The following GPC5 variants were observed in gnomAD, a reference collection of about 807,000 sequenced individuals.
GPC5 encodes the protein glypican-5.
A neutral mutation model predicts 53.9 loss-of-function variants in GPC5; 47 were observed. The observed-to-expected ratio is 0.87, with a 90% CI of 0.69 to 1.11. The LOEUF (loss-of-function observed/expected upper bound fraction) is 1.11, where lower values mean the gene tolerates loss of function less well. GPC5 is among the 50% of genes most tolerant of loss of function. The pLI is 0.00. For synonymous variants in GPC5, 286 were observed against 263.3 expected, an observed-to-expected ratio of 1.09 and a Z score of -0.84; for missense variants, 748 against 713.1, an observed-to-expected ratio of 1.05 and a Z score of -0.56.
intron 7 of GPC5, among the ~76,000 whole-genome samples, chr13:92,212,237 C>T (rs1048981130): frequency 6.6e-6 from 1 of 152,112 alleles, no homozygotes; most frequent in African/African-American, 2.4e-5. Context: ...AGCCTCACCT[C>T]TAGCTATGCA....
intron 7 of GPC5, among the ~76,000 whole-genome samples, chr13:92,254,577 C>A (rs1184171242): frequency 6.6e-6 from 1 of 152,056 alleles, no homozygotes; most frequent in Non-Finnish European, 1.5e-5. Flanking sequence ...GTGTATTAGT[C>A]CATCTTCATG....
intron 7 of GPC5, among the ~76,000 whole-genome samples, chr13:92,694,437 A>C (rs2139238853): frequency 6.6e-6 from 1 of 152,294 alleles, no homozygotes; most frequent in South Asian, 2.1e-4. Context: ...GAGCTGCCCA[A>C]GGGCTTGGGA....
intron 7 of GPC5, among the ~76,000 whole-genome samples, chr13:92,301,168 G>A (rs150895883): frequency 0.015 from 2,332 of 152,242 alleles, 30 homozygotes; most frequent in Non-Finnish European, 0.021. Context: ...TAAAAATATA[G>A]GTTCTTTTAT....
At chr13:92,785,092 A>G (rs538910457) in intron 7 of GPC5, among the ~76,000 whole-genome samples, 3 of 152,230 alleles carry the variant, frequency 2.0e-5, no homozygotes, top group African/African-American at 7.2e-5. Context: ...CCTGGCCAAC[A>G]TGATGAAACC....
chr13:92,823,350 C>A (rs1877738418), intron 7 of GPC5, among the ~76,000 whole-genome samples: 1 of 151,932 alleles, frequency 6.6e-6, no homozygotes, highest in East Asian at 1.9e-4. Flanking sequence ...TGGGAAAATA[C>A]AAAGGAACAT....
At chr13:92,144,647 G>A (rs1163201698) in intron 6 of GPC5, among the ~76,000 whole-genome samples, 183 bp from the exon 7 acceptor site, 1 of 152,180 alleles carries the variant, frequency 6.6e-6, no homozygotes, top group Non-Finnish European at 1.5e-5. Flanking sequence ...CTTTATAGGT[G>A]TAAGACTTTG....
At chr13:91,498,344 T>G (rs1266671567) in intron 2 of GPC5, among the ~76,000 whole-genome samples, 1 of 151,930 alleles carries the variant, frequency 6.6e-6, no homozygotes, top group Non-Finnish European at 1.5e-5. Context: ...CAGGAAATTT[T>G]AAGTTGCACA....
At chr13:92,763,677 T>C (rs1027783512) in intron 7 of GPC5, among the ~76,000 whole-genome samples, 2 of 152,036 alleles carry the variant, frequency 1.3e-5, no homozygotes, top group African/African-American at 4.8e-5. Flanking sequence ...AGCTTCATTC[T>C]CCAAGGAAGA....
At chr13:92,094,619 T>G (rs1421508755) in intron 6 of GPC5, among the ~76,000 whole-genome samples, 2 of 151,482 alleles carry the variant, frequency 1.3e-5, no homozygotes, top group Non-Finnish European at 2.9e-5. Flanking sequence ...TCAAAGAAAC[T>G]GTAAACAGAA....
At chr13:91,765,719 A>G (rs79066741) in intron 5 of GPC5, among the ~76,000 whole-genome samples, 3,856 of 152,328 alleles carry the variant, frequency 0.025, 159 homozygotes, top group African/African-American at 0.087. Flanking sequence ...ATAGGGGAAA[A>G]TTCTTTTTTG....
intron 7 of GPC5, among the ~76,000 whole-genome samples, chr13:92,569,654 T>C (rs1423746212): frequency 5.9e-5 from 9 of 152,130 alleles, no homozygotes; most frequent in Non-Finnish European, 1.0e-4. Context: ...AGACATTACC[T>C]TCTCCCCTAA....
At chr13:91,416,688 G>T (rs1878254321) in intron 1 of GPC5, among the ~76,000 whole-genome samples, 1 of 151,966 alleles carries the variant, frequency 6.6e-6, no homozygotes, top group Non-Finnish European at 1.5e-5. Flanking sequence ...ACCTATGAGT[G>T]AGAACATACG....
intron 4 of GPC5, among the ~76,000 whole-genome samples, chr13:91,742,278 G>C (rs1041633542): frequency 1.3e-5 from 2 of 152,138 alleles, no homozygotes; most frequent in African/African-American, 2.4e-5. Flanking sequence ...CTTAACCTTT[G>C]GGGATCATGT....
At chr13:92,458,615 T>A (rs548641256) in intron 7 of GPC5, among the ~76,000 whole-genome samples, 7 of 151,620 alleles carry the variant, frequency 4.6e-5, no homozygotes, top group African/African-American at 1.7e-4. Flanking sequence ...TTCTTTTTTT[T>A]AAAAGAAAGG....
chr13:92,044,332 C>T (rs2040964908), intron 6 of GPC5, among the ~76,000 whole-genome samples: 1 of 152,062 alleles, frequency 6.6e-6, no homozygotes, highest in Non-Finnish European at 1.5e-5. Context: ...GTAAATAAGG[C>T]CCTAAGCTGA....
intron 7 of GPC5, among the ~76,000 whole-genome samples, chr13:92,851,746 A>G (rs1006900322): frequency 1.3e-5 from 2 of 150,960 alleles, no homozygotes; most frequent in Non-Finnish European, 3.0e-5. Flanking sequence ...AAAATTAGCC[A>G]GGCGTGGTGG....
At chr13:92,836,079 C>G (rs1878208553) in intron 7 of GPC5, among the ~76,000 whole-genome samples, 1 of 151,908 alleles carries the variant, frequency 6.6e-6, no homozygotes, top group South Asian at 2.1e-4. Context: ...ATTTTGACAT[C>G]TTTCCTCTGC....
chr13:92,567,004 A>T (rs2139036436), intron 7 of GPC5, among the ~76,000 whole-genome samples: 1 of 152,194 alleles, frequency 6.6e-6, no homozygotes, highest in Non-Finnish European at 1.5e-5. Context: ...TATTAGCAAA[A>T]CTTTCAGGGA....
chr13:91,499,526 A>AT (rs1884500281), intron 2 of GPC5, among the ~76,000 whole-genome samples: 1 of 152,176 alleles, frequency 6.6e-6, no homozygotes, highest in Non-Finnish European at 1.5e-5. Context: ...CTTTCTTAAC[A>AT]TTTTAGATTC....
Sources: allele counts gnomAD v4.1 joint callset (sites outside exome capture counted in the v4.1 genomes callset), GRCh38; gene constraint gnomAD v4.1.1; transcripts MANE v1.5; gene names NCBI Gene and HGNC (gene_info 2026-07-23, HGNC 2026-07-21).